The following PGM1 variants were observed in gnomAD, a reference collection of about 807,000 sequenced individuals.
The protein encoded by PGM1 is phosphoglucomutase 1, also known as phosphoglucomutase-1.
A neutral mutation model predicts 55.6 loss-of-function variants in PGM1; 52 were observed. That is an observed-to-expected ratio of 0.94 (90% CI 0.75 to 1.18). The LOEUF is 1.18. PGM1 is among the 50% of genes most tolerant of loss of function. The pLI is 0.00. For synonymous variants in PGM1, 287 were observed against 271.7 expected (o/e 1.06, Z -0.55); for missense variants, 724 against 729.3 (o/e 0.99, Z 0.08).
intron 10 of PGM1, among the ~76,000 whole-genome samples, chr1:63,654,739 G>A (rs973606826): frequency 3.3e-5 from 5 of 151,962 alleles, no homozygotes; most frequent in African/African-American, 1.2e-4. Flanking sequence ...CTGAGCAAGA[G>A]TGAGACCTTA....
chr1:63,605,965 C>G (rs1448952703), intron 1 of PGM1, among the ~76,000 whole-genome samples: 2 of 152,220 alleles, frequency 1.3e-5, no homozygotes, highest in African/African-American at 4.8e-5. Flanking sequence ...GTCATCTCAA[C>G]TCTGTGATGG....
chr1:63,627,926 C>A (rs950206667), intron 1 of PGM1, among the ~76,000 whole-genome samples: 1 of 150,020 alleles, frequency 6.7e-6, no homozygotes, highest in Admixed American at 6.6e-5. Context: ...CAATACTTTC[C>A]CCCACCATGG....
intron 1 of PGM1, 65 bp downstream of exon 1, chr1:63,593,799 G>A: frequency 6.8e-7 from 1 of 1,468,672 alleles, no homozygotes. Context: ...GGCCCGCGGC[G>A]CCCTCCCTCG....
At position 63,630,039 on chromosome 1, in the gene PGM1, T is replaced by C; in HGVS notation, c.507T>C (p.Val169=). The change falls in exon 3 of 11, where the codon GTT becomes GTC. Residue 169 remains valine, a synonymous_variant. Coordinates refer to ENST00000371084, the MANE Select transcript of PGM1 (RefSeq NM_002633.3). ...VCPDLKVDLG[V]LGKQQFDLEN... is the part of the protein sequence containing the mutation. ...CTGACCTGAAAGTAGACCTTGGTGT[T>C]CTGGGAAAGCAGCAGTTTGACTTGG... 2.5e-6 allele frequency: 4 copies of C among 1,614,118 alleles called. No homozygotes were observed. The highest frequency in any genetic ancestry group is 3.4e-6 in the Non-Finnish European group (4 of 1,179,964).
At chr1:63,637,633 A>T (rs1649397325) in intron 6 of PGM1, among the ~76,000 whole-genome samples, 1 of 152,234 alleles carries the variant, frequency 6.6e-6, no homozygotes, top group African/African-American at 2.4e-5. Context: ...AATTAGAGCT[A>T]GCATTTGAGC....
intron 7 of PGM1, among the ~76,000 whole-genome samples, 191 bp downstream of exon 7, chr1:63,638,991 T>C (rs1433853906): frequency 2.0e-5 from 3 of 152,170 alleles, no homozygotes; most frequent in African/African-American, 7.2e-5. Flanking sequence ...CCAGAAAGGC[T>C]AATTTTACTT....
intron 1 of PGM1, among the ~76,000 whole-genome samples, chr1:63,598,113 A>G (rs557692994): frequency 2.0e-5 from 3 of 152,234 alleles, no homozygotes; most frequent in Admixed American, 6.5e-5. Flanking sequence ...TGGGGTCTAC[A>G]GGTGCATGCC....
intron 1 of PGM1, among the ~76,000 whole-genome samples, chr1:63,622,412 TA>T (rs1350824589): frequency 2.0e-5 from 3 of 152,204 alleles, no homozygotes; most frequent in Non-Finnish European, 4.4e-5. Context: ...TTAGGTAAAA[TA>T]TTTTTAAACA....
At chr1:63,625,722 T>C (rs1448948300) in intron 1 of PGM1, among the ~76,000 whole-genome samples, 5 of 152,356 alleles carry the variant, frequency 3.3e-5, no homozygotes, top group African/African-American at 1.2e-4. Context: ...ATTTTATTTT[T>C]TTTCCCTTTA....
intron 4 of PGM1, among the ~76,000 whole-genome samples, chr1:63,634,266 A>G (rs1027811201): frequency 6.6e-6 from 1 of 152,154 alleles, no homozygotes; most frequent in Admixed American, 6.5e-5. Context: ...TTTATAACAT[A>G]TCTGCCAGGT....
chr1:63,651,954 G>C, intron 9 of PGM1, 102 bp downstream of exon 9: 1 of 1,137,962 alleles, frequency 8.8e-7, no homozygotes. Context: ...TTTTTCTTTT[G>C]CTGCTGTGTT....
intron 6 of PGM1, among the ~76,000 whole-genome samples, chr1:63,636,827 A>G (rs1197470402): frequency 6.6e-6 from 1 of 152,242 alleles, no homozygotes. Flanking sequence ...TACTCAAGAC[A>G]TCATTCTGGA....
At chr1:63,627,972 A>T (rs149608133) in intron 1 of PGM1, among the ~76,000 whole-genome samples, 57 of 152,146 alleles carry the variant, frequency 3.7e-4, no homozygotes, top group African/African-American at 7.5e-4. Context: ...CGTGTCATCT[A>T]CGCCAGTGTC....
In PGM1 at chr1:63,648,697, G is replaced by C. The variant is rs1005954911; in HGVS notation, c.1280+45G>C. The C allele has an allele frequency of 2.5e-6, 4 of 1,607,980 alleles. No individual in the cohort carries two copies. In the African/African-American group the frequency reaches 5.3e-5, roughly 21 times the overall value. On this transcript the variant is annotated intron_variant, in intron 8 of 10. Coordinates refer to ENST00000371084, the MANE Select transcript of PGM1 (RefSeq NM_002633.3). ...GGGTACAAGGTAAGGTGGGGAAGTG[G>C]GCAGAGAGAATTCTTGCGCATCCAC... is the stretch of plus-strand genomic sequence containing the variant.
At chr1:63,638,465 GAATT>G (rs1398975117) in intron 6 of PGM1, among the ~76,000 whole-genome samples, 27 of 152,294 alleles carry the variant, frequency 1.8e-4, no homozygotes, top group Non-Finnish European at 2.6e-4. Context: ...TCCATGATCT[GAATT>G]AATTCTTTCT....
chr1:63,618,678 G>A (rs855310), intron 1 of PGM1, among the ~76,000 whole-genome samples: 173 of 152,214 alleles, frequency 1.1e-3, no homozygotes, highest in African/African-American at 4.1e-3. Context: ...AGTGATGAGG[G>A]GTTACCTTTC....
rs58094821 is a variant in PGM1, at chr1:63,633,866, C to CTGTG, written c.683-913_683-910dup. On this transcript the variant is annotated intron_variant, in intron 4 of 10. Transcript: ENST00000371084. ...TGTATGCATGTGTGTGTCTGTGTCTCTGTGTGTGTGTGTGTGTGTGTGTGT... is the reference window on the plus strand; with the variant it reads ...TGTATGCATGTGTGTGTCTGTGTCTCTGTGTGTGTGTGTGTGTGTGTGTGTGTGT... Among the ~76,000 whole-genome samples the CTGTG allele has an allele frequency of 5.4e-3, 397 of 73,346 alleles. 6 individuals carry two copies. The highest frequency in any genetic ancestry group is 0.019 in the Middle Eastern group (2 of 106). The allele number at this position is 73,346 out of a possible 152,430, so 48.1% of individuals were successfully genotyped here.
intron 6 of PGM1, among the ~76,000 whole-genome samples, chr1:63,638,383 A>G (rs919570778): frequency 1.3e-5 from 2 of 152,310 alleles, no homozygotes; most frequent in Non-Finnish European, 1.5e-5. Context: ...CTGTATCCAA[A>G]ATGTGGATTT....
chr1:63,631,756 A>G lies in PGM1; in HGVS notation c.656A>G (p.Lys219Arg). Residue 219 changes from lysine to arginine, a missense_variant, in exon 4 of 11, where the codon AAG (lysine) becomes AGG (arginine). Lys to Arg is a conservative substitution (Grantham distance 26). This residue lies in a region of PGM1 where 379 missense variants were observed against 357.5 expected (regional missense o/e 1.06). Coordinates refer to ENST00000371084, the MANE Select transcript of PGM1 (RefSeq NM_002633.3). ...CTACTTTCTGGGCCAAACCGACTGA[A>G]GATCCGTATTGATGCTATGCATGGA... ...KELLSGPNRL[K>R]IRIDAMHGVV... 1 of 1,613,872 alleles carries G rather than the reference A, an allele frequency of 6.2e-7. No homozygotes were observed. The highest frequency in any genetic ancestry group is 1.7e-5 in the Admixed American group (1 of 60,020).
Sources: allele counts gnomAD v4.1 joint callset (sites outside exome capture counted in the v4.1 genomes callset), GRCh38; gene constraint gnomAD v4.1.1; regional missense constraint gnomAD v4.1.1; transcripts MANE v1.5; gene names NCBI Gene and HGNC (gene_info 2026-07-23, HGNC 2026-07-21).